GGA3: variants seen among roughly 807,000 people sequenced by gnomAD.
GGA3 encodes ADP-ribosylation factor-binding protein GGA3.
Under a neutral mutation model 77.5 loss-of-function variants are expected in GGA3, and 57 were observed. The observed-to-expected ratio is 0.74, with a 90% CI of 0.59 to 0.92. The LOEUF (loss-of-function observed/expected upper bound fraction) is 0.92. Among genes scored for constraint, GGA3 ranks in the 40% least tolerant of loss-of-function variants. The pLI is 0.00. For missense variants in GGA3, 970 were observed against 914.9 expected (o/e 1.06, Z -0.78); for synonymous variants, 416 against 383.7 (o/e 1.08, Z -0.98).
In GGA3 at chr17:75,237,440, C is replaced by T. The variant is rs2145460770; in HGVS notation, c.*839G>A. On this transcript the variant is annotated 3_prime_UTR_variant, in exon 17 of 17. Coordinates refer to ENST00000537686, the MANE Select transcript of GGA3 (RefSeq NM_138619.4). ...GCGGTAGATTCCAAGGGGAGGATAG[C>T]AGTTTATTTCATGCCAAGCAAGAGG... 2 of 1,506,828 alleles carry T rather than the reference C, an allele frequency of 1.3e-6. No individual in the cohort carries two copies. The highest frequency in any genetic ancestry group is 4.9e-5 in the East Asian group (2 of 40,786). The allele number at this position is 1,506,828 out of a possible 1,614,324, so 93.3% of individuals were successfully genotyped here.
chr17:75,243,329 T>C, intron 5 of GGA3, 118 bp downstream of exon 5: 2 of 1,353,782 alleles, frequency 1.5e-6, no homozygotes, highest in Non-Finnish European at 2.1e-6. Context: ...CAGCCTTGCC[T>C]GGGGACAAAT....
In GGA3 at chr17:75,241,542, A is replaced by G. The variant is rs370515807; in HGVS notation, c.830-26T>C. 1.9e-6 allele frequency: 3 copies of G among 1,596,758 alleles called. No homozygotes were observed. In the South Asian group the frequency reaches 3.3e-5, roughly 18 times the overall value. ...CTGGAGCAGGAAAGAGAGACTTCTC[A>G]CTCCTGTTGTGACAGTTCCCACCCA... On this transcript the variant is annotated intron_variant, in intron 9 of 16. Coordinates refer to ENST00000537686, the MANE Select transcript of GGA3 (RefSeq NM_138619.4).
chr17:75,249,739 C>G (rs185561274), intron 1 of GGA3, among the ~76,000 whole-genome samples: 40 of 152,322 alleles, frequency 2.6e-4, no homozygotes, highest in Non-Finnish European at 5.3e-4. Context: ...GGCCCACTCA[C>G]TTTCACTTTT....
chr17:75,241,667 C>T lies in GGA3; in HGVS notation c.777G>A (p.Arg259=), dbSNP rs374592195. ...CACTGGCGAGTTTAAATAAAGTCCG[C>T]CTCTTGTTCTCACACTGATCAAACA... ...KELFDQCENK[R]RTLFKLASET... The change falls in exon 9 of 17, where the codon AGG becomes AGA. Residue 259 remains arginine, a synonymous_variant. Transcript: ENST00000537686. The T allele has an allele frequency of 4.3e-6, 7 of 1,614,024 alleles. No individual in the cohort carries two copies. Among genetic ancestry groups the T allele is most frequent in the Non-Finnish European group, 5.1e-6 (6 of 1,180,006 alleles).
In GGA3 at chr17:75,239,418, G is replaced by A; in HGVS notation, c.1737C>T (p.Leu579=). ...SQGSPPKGPE[L]SLASIHVPLE... ...GGGGCACGTGGATGCTGGCCAGGGA[G>A]AGCTCAGGCCCCTTCGGGGGGCTGC... Residue 579 remains leucine (L), a synonymous_variant, in exon 14 of 17, where the codon CTC becomes CTT. Coordinates refer to ENST00000537686, the MANE Select transcript of GGA3 (RefSeq NM_138619.4). 1.3e-6 allele frequency: 2 copies of A among 1,570,174 alleles called. No individual in the cohort carries two copies. Among genetic ancestry groups the A allele is most frequent in the African/African-American group, 1.4e-5 (1 of 72,274 alleles).
At chr17:75,256,479 C>T (rs1187496012) in intron 1 of GGA3, among the ~76,000 whole-genome samples, 1 of 152,042 alleles carries the variant, frequency 6.6e-6, no homozygotes, top group African/African-American at 2.4e-5. Context: ...TCTCTCTGAT[C>T]CACCTGACAT....
chr17:75,240,568 G>A lies in GGA3; in HGVS notation c.1193-156C>T, dbSNP rs114557423. On this transcript the variant is annotated intron_variant, in intron 11 of 16. Transcript: ENST00000537686. ...GGCAGCCTCCAGAGGGGAATGGAGC[G>A]CTCCAGTCCATGATGCAGAAGCGGG... 2.9e-3 allele frequency: 1,938 copies of A among 658,418 alleles called. 29 individuals carry two copies. The African/African-American group carries it at 0.031, about 11-fold the overall frequency. 40.8% of individuals were successfully genotyped at this position (658,418 alleles called of 1,614,324 possible).
chr17:75,248,692 A>T, intron 1 of GGA3: 1 of 185,478 alleles, frequency 5.4e-6, no homozygotes, highest in Non-Finnish European at 1.0e-5. Context: ...AGGCTGAGGC[A>T]GGAAAATCGC....
intron 3 of GGA3, among the ~76,000 whole-genome samples, 166 bp from the exon 4 acceptor site, chr17:75,244,883 C>T (rs911645396): frequency 6.6e-6 from 1 of 152,138 alleles, no homozygotes; most frequent in African/African-American, 2.4e-5. Flanking sequence ...AATTAAGCAA[C>T]GAGATCACTC....
intron 1 of GGA3, among the ~76,000 whole-genome samples, chr17:75,257,038 A>C (rs1454550950): frequency 6.6e-6 from 1 of 152,002 alleles, no homozygotes; most frequent in Non-Finnish European, 1.5e-5. Context: ...AAACCTTTAT[A>C]TCCCTTACGG....
rs1208187167 is a variant in GGA3 at position 75,238,383 on chromosome 17, C to T, written c.2068G>A (p.Val690Met). 3 of 1,613,534 alleles carry T rather than the reference C, an allele frequency of 1.9e-6. No individual in the cohort carries two copies. The highest frequency in any genetic ancestry group is 8.5e-7 in the Non-Finnish European group (1 of 1,179,828). ...AAGGTCAGCTTATACCGAAGCCGCA[C>T]CTTCTCCTGTGACAGAGGGCAGCAA... Reference protein sequence around the residue: ...MLLANPLKEKVRLRYKLTFAL... With the variant: ...MLLANPLKEKMRLRYKLTFAL... Residue 690 changes from valine to methionine, a missense_variant, in exon 17 of 17, where the codon GTG becomes ATG. Transcript: ENST00000537686.
chr17:75,243,349 T>A, intron 5 of GGA3, 98 bp downstream of exon 5: 1 of 1,487,358 alleles, frequency 6.7e-7, no homozygotes, highest in Non-Finnish European at 9.3e-7. Context: ...TGCTGTTCTC[T>A]TCAGGAGGGA....
chr17:75,242,101 T>A (rs922265380), intron 8 of GGA3: 4 of 572,518 alleles, frequency 7.0e-6, no homozygotes, highest in South Asian at 2.1e-5. Flanking sequence ...GTCTCTGGAG[T>A]CAGACTCAGG....
intron 1 of GGA3, among the ~76,000 whole-genome samples, chr17:75,251,524 A>G (rs142724381): frequency 6.6e-6 from 1 of 151,790 alleles, no homozygotes; most frequent in Non-Finnish European, 1.5e-5. Context: ...TGGCTAAGAT[A>G]GTGAAACCCT....
rs181951158 is a variant in GGA3 at position 75,252,874 on chromosome 17, G to A, written c.41-6078C>T. 1.8e-3 allele frequency among the ~76,000 whole-genome samples: 269 copies of A among 152,130 alleles called. 3 individuals carry two copies. Among genetic ancestry groups the A allele is most frequent in the African/African-American group, 6.1e-3 (253 of 41,486 alleles). Reference sequence around the variant, plus strand: ...TACTTTGTGAGATCCATCCCTGCCCGCAAAACATTGCTCTTAACTTCACCG... The same window carrying A: ...TACTTTGTGAGATCCATCCCTGCCCACAAAACATTGCTCTTAACTTCACCG... On this transcript the variant is annotated intron_variant, in intron 1 of 16. Coordinates refer to ENST00000537686, the MANE Select transcript of GGA3 (RefSeq NM_138619.4).
rs759824501 is a variant in GGA3 at position 75,242,356 on chromosome 17, C to T, written c.727G>A (p.Gly243Arg). 6.8e-6 allele frequency: 11 copies of T among 1,614,094 alleles called. No homozygotes were observed. In the East Asian group the frequency reaches 1.1e-4, roughly 16 times the overall value. The change falls in exon 8 of 17, where the codon GGG becomes AGG. Residue 243 changes from glycine (G) to arginine (R), a missense_variant. Coordinates refer to ENST00000537686, the MANE Select transcript of GGA3 (RefSeq NM_138619.4). ...CCCACCTTCATCAGCTCTCTGTCCC[C>T]GTCCGAAGAGTCCTCCTGGCTGTAA... ...LHYSQEDSSD[G>R]DRELMKELFD...
chr17:75,239,678 C>T, intron 13 of GGA3, 107 bp from the exon 14 acceptor site: 1 of 1,466,912 alleles, frequency 6.8e-7, no homozygotes, highest in Non-Finnish European at 9.5e-7. Flanking sequence ...CCCTTGCCTT[C>T]CAGCCTGACT....
At chr17:75,240,144 G>T in intron 12 of GGA3, 36 bp from the exon 13 acceptor site, 1 of 1,342,388 alleles carries the variant, frequency 7.4e-7, no homozygotes, top group South Asian at 1.3e-5. Flanking sequence ...GCCGAGGGCG[G>T]GTGGGGAGGG....
At chr17:75,250,502 C>A (rs2076923952) in intron 1 of GGA3, among the ~76,000 whole-genome samples, 1 of 152,208 alleles carries the variant, frequency 6.6e-6, no homozygotes, top group Admixed American at 6.5e-5. Context: ...GTGGCTCACG[C>A]CCGTAATCTC....
Sources: allele counts gnomAD v4.1 joint callset (sites outside exome capture counted in the v4.1 genomes callset), GRCh38; gene constraint gnomAD v4.1.1; transcripts MANE v1.5; gene names NCBI Gene and HGNC (gene_info 2026-07-23, HGNC 2026-07-21).